TNS3: variants seen among roughly 807,000 people sequenced by gnomAD.
TNS3 encodes the protein tensin 3, also known as tensin-3.
In TNS3, 45 loss-of-function variants were observed where a neutral mutation model predicts 140.9. The ratio of observed to expected loss-of-function variants is 0.32; its 90% confidence interval spans 0.25 to 0.41. The LOEUF (loss-of-function observed/expected upper bound fraction) is 0.41, where lower values mean the gene tolerates loss of function less well. Among genes scored for constraint, TNS3 ranks in the 10% least tolerant of loss-of-function variants. TNS3 has a pLI of 1.00. For missense variants in TNS3, 1,716 were observed against 1,906.7 expected, an observed-to-expected ratio of 0.90 and a Z score of 1.86; for synonymous variants, 815 against 788.4, an observed-to-expected ratio of 1.03 and a Z score of -0.56.
At chr7:47,411,604 C>T in intron 13 of TNS3, 123 bp downstream of exon 13, 3 of 1,017,184 alleles carry the variant, frequency 2.9e-6, no homozygotes, top group Non-Finnish European at 4.2e-6. Flanking sequence ...ACTTTTCCTT[C>T]TTCCTACAGG....
chr7:47,310,624 G>A (rs565788565), intron 20 of TNS3, among the ~76,000 whole-genome samples: 20 of 152,086 alleles, frequency 1.3e-4, no homozygotes, highest in South Asian at 6.2e-4. Flanking sequence ...CAGAAAAAAC[G>A]CCCACAGCTA....
At chr7:47,471,085 C>T (rs541211320) in intron 4 of TNS3, among the ~76,000 whole-genome samples, 1 of 151,992 alleles carries the variant, frequency 6.6e-6, no homozygotes, top group Non-Finnish European at 1.5e-5. Context: ...CTCACTGGGG[C>T]GCAGTTCCCA....
intron 20 of TNS3, among the ~76,000 whole-genome samples, chr7:47,329,939 A>G (rs1275645251): frequency 6.6e-6 from 1 of 152,208 alleles, no homozygotes; most frequent in Non-Finnish European, 1.5e-5. Context: ...CATGACTGGG[A>G]CAATCCTGAG....
chr7:47,286,624 T>C (rs941970211), intron 27 of TNS3, among the ~76,000 whole-genome samples: 1 of 152,106 alleles, frequency 6.6e-6, no homozygotes, highest in African/African-American at 2.4e-5. Context: ...AGGGACTTGA[T>C]AACACAGAAC....
intron 20 of TNS3, among the ~76,000 whole-genome samples, chr7:47,312,521 G>A (rs1191980490): frequency 1.3e-5 from 2 of 151,902 alleles, no homozygotes; most frequent in African/African-American, 4.8e-5. Flanking sequence ...TAGCCAACAT[G>A]GTGAAACCCC....
chr7:47,321,496 G>A (rs1241861369), intron 20 of TNS3, among the ~76,000 whole-genome samples: 1 of 152,170 alleles, frequency 6.6e-6, no homozygotes, highest in Non-Finnish European at 1.5e-5. Context: ...CATTTGGAGG[G>A]CCTTCCAGCA....
At chr7:47,346,698 CGAT>C (rs1789365704) in intron 17 of TNS3, among the ~76,000 whole-genome samples, 1 of 152,146 alleles carries the variant, frequency 6.6e-6, no homozygotes, top group South Asian at 2.1e-4. Context: ...GTGGGACTGA[CGAT>C]GACCCAGCTG....
At chr7:47,539,233 G>T (rs1799712930) in intron 1 of TNS3, 14 of 430,074 alleles carry the variant, frequency 3.3e-5, no homozygotes, top group South Asian at 2.3e-4. Flanking sequence ...CACTGCCTAT[G>T]CAAGCCAGAG....
Position 47,428,323 on chromosome 7 carries a change from G to T in TNS3, c.378C>A (p.Asn126Lys), listed in dbSNP as rs376484205. 2.1e-6 allele frequency: 3 copies of T among 1,446,466 alleles called. No homozygotes were observed. Among genetic ancestry groups the T allele is most frequent in the Non-Finnish European group, 2.7e-6 (3 of 1,093,572 alleles). 89.6% of individuals were successfully genotyped at this position (1,446,466 alleles called of 1,614,324 possible). ...VVISSYMHFT[N>K]VSASADQALD... ...CATCTTCATCCTACCTGGCTGAGACGTTGGTGAAATGCATGTAGGATGATA... is the reference window on the plus strand; with the variant it reads ...CATCTTCATCCTACCTGGCTGAGACTTTGGTGAAATGCATGTAGGATGATA... Residue 126 changes from asparagine (N) to lysine (K), a missense_variant, in exon 9 of 31, where the codon AAC becomes AAA. Coordinates refer to ENST00000311160, the MANE Select transcript of TNS3 (RefSeq NM_022748.12).
intron 2 of TNS3, among the ~76,000 whole-genome samples, chr7:47,514,276 A>G (rs1798706941): frequency 2.0e-5 from 3 of 152,242 alleles, no homozygotes; most frequent in Admixed American, 6.5e-5. Context: ...TTGCCTTGTT[A>G]GTTTTAAATA....
At chr7:47,483,034 C>A (rs921250151) in intron 3 of TNS3, among the ~76,000 whole-genome samples, 1 of 152,142 alleles carries the variant, frequency 6.6e-6, no homozygotes, top group Non-Finnish European at 1.5e-5. Context: ...ACAGAATGTA[C>A]AACACCAGGA....
At chr7:47,560,059 C>A (rs1800292571) in intron 1 of TNS3, among the ~76,000 whole-genome samples, 2 of 152,140 alleles carry the variant, frequency 1.3e-5, no homozygotes, top group African/African-American at 4.8e-5. Flanking sequence ...CCTTTGCAGC[C>A]CACCTCAAAC....
At chr7:47,391,710 G>A (rs554817947) in intron 16 of TNS3, among the ~76,000 whole-genome samples, 1 of 152,300 alleles carries the variant, frequency 6.6e-6, no homozygotes, top group East Asian at 1.9e-4. Context: ...CAAATCCAGG[G>A]ACACATATGC....
chr7:47,346,305 C>T lies in TNS3; in HGVS notation c.2333G>A (p.Gly778Glu). Reference sequence around the variant, plus strand: ...CCCCCCAGCATCGTTGTCGTACTGCCCCAGGCTCAGCTTCCTGAGTCTCCC... The same window carrying T: ...CCCCCCAGCATCGTTGTCGTACTGCTCCAGGCTCAGCTTCCTGAGTCTCCC... ...LGGRLRKLSL[G>E]QYDNDAGGQL... Residue 778 changes from glycine (G) to glutamate (E), a missense_variant, in exon 18 of 31, where the codon GGG (glycine) becomes GAG (glutamate). Physicochemically the swap from Gly to Glu is moderately conservative, Grantham distance 98. Around this residue, in one of 3 missense-constraint regions of TNS3, gnomAD observed 1,163 missense variants for 1,182.1 expected, o/e 0.98. Coordinates refer to ENST00000311160, the MANE Select transcript of TNS3 (RefSeq NM_022748.12). 2 of 1,614,232 alleles carry T rather than the reference C, an allele frequency of 1.2e-6. No individual in the cohort carries two copies. The highest frequency in any genetic ancestry group is 1.1e-5 in the South Asian group (1 of 91,090).
At chr7:47,524,308 T>C (rs1486874134) in intron 2 of TNS3, among the ~76,000 whole-genome samples, 1 of 152,216 alleles carries the variant, frequency 6.6e-6, no homozygotes, top group East Asian at 1.9e-4. Context: ...CATAAAAGCC[T>C]ACTGTCCAAA....
intron 2 of TNS3, among the ~76,000 whole-genome samples, chr7:47,526,533 G>A (rs1799198632): frequency 1.3e-5 from 2 of 152,232 alleles, no homozygotes; most frequent in South Asian, 2.1e-4. Flanking sequence ...GACCCAGAGT[G>A]AGGAGACTTT....
At chr7:47,522,238 A>G (rs1799007947) in intron 2 of TNS3, among the ~76,000 whole-genome samples, 2 of 152,212 alleles carry the variant, frequency 1.3e-5, no homozygotes, top group African/African-American at 2.4e-5. Flanking sequence ...GTGCATCAGC[A>G]GCCTTTGCAG....
rs1786504218 is a variant in TNS3, at chr7:47,303,072, C to A, written c.3335G>T (p.Gly1112Val). 1 of 1,614,064 alleles carries A rather than the reference C, an allele frequency of 6.2e-7. No homozygotes were observed. The highest frequency in any genetic ancestry group is 1.7e-5 in the Admixed American group (1 of 60,012). ...GCCACTGGAGGAGGGAGAGACTGAG[C>A]CCAAAGAACGATCCCCCTCCGAGGC... The part of the protein sequence containing the change: ...KRASEGDRSL[G>V]SVSPSSSGFS... The change falls in exon 22 of 31, where the codon GGC (glycine) becomes GTC (valine). Residue 1112 changes from glycine (G) to valine (V), a missense_variant. Gly to Val is a moderately radical substitution (Grantham distance 109). This residue lies in a region of TNS3 where 1,163 missense variants were observed against 1,182.1 expected (regional missense o/e 0.98). Transcript: ENST00000311160.
chr7:47,439,776 G>T, intron 5 of TNS3, 118 bp from the exon 6 acceptor site: 1 of 1,061,526 alleles, frequency 9.4e-7, no homozygotes, highest in Non-Finnish European at 1.4e-6. Context: ...TCAGCACCTG[G>T]GCGGCCAGCT....
Sources: allele counts gnomAD v4.1 joint callset (sites outside exome capture counted in the v4.1 genomes callset), GRCh38; gene constraint gnomAD v4.1.1; regional missense constraint gnomAD v4.1.1; transcripts MANE v1.5; gene names NCBI Gene and HGNC (gene_info 2026-07-23, HGNC 2026-07-21).